Variants in NUBPL observed in about 807,000 individuals in gnomAD.
The protein encoded by NUBPL is NUBP iron-sulfur cluster assembly factor, mitochondrial.
Under a neutral mutation model 45.7 loss-of-function variants are expected in NUBPL, and 31 were observed. That is an observed-to-expected ratio of 0.68 (90% confidence interval 0.51 to 0.92). The LOEUF (loss-of-function observed/expected upper bound fraction) is 0.92, where lower values mean the gene tolerates loss of function less well. Ranked by LOEUF, NUBPL falls within the 40% of genes least tolerant of loss-of-function variation. The pLI is 0.00. For synonymous variants in NUBPL, 144 were observed against 140.9 expected (o/e 1.02, Z -0.15); for missense variants, 401 against 398.7 (o/e 1.01, Z -0.05).
intron 4 of NUBPL, among the ~76,000 whole-genome samples, chr14:31,626,988 G>C (rs1304521470): frequency 6.6e-6 from 1 of 152,052 alleles, no homozygotes; most frequent in African/African-American, 2.4e-5. Context: ...AGATTTCCAG[G>C]CTTACCGTAG....
intron 3 of NUBPL, among the ~76,000 whole-genome samples, chr14:31,590,912 G>A (rs2034125097): frequency 6.6e-6 from 1 of 152,058 alleles, no homozygotes; most frequent in Non-Finnish European, 1.5e-5. Context: ...AAGATTTAAA[G>A]TTTTTCTTCT....
intron 6 of NUBPL, among the ~76,000 whole-genome samples, chr14:31,752,281 G>C (rs1176118930): frequency 6.6e-6 from 1 of 152,154 alleles, no homozygotes; most frequent in Non-Finnish European, 1.5e-5. Flanking sequence ...CTGCTTCCCT[G>C]TTAAACATAA....
intron 4 of NUBPL, among the ~76,000 whole-genome samples, chr14:31,666,787 T>A (rs932553355): frequency 2.6e-5 from 4 of 152,012 alleles, no homozygotes; most frequent in African/African-American, 9.7e-5. Context: ...TCTCTAAAGG[T>A]TTTTATTTCT....
chr14:31,650,799 G>A (rs919550851), intron 4 of NUBPL, among the ~76,000 whole-genome samples: 1 of 152,192 alleles, frequency 6.6e-6, no homozygotes, highest in Non-Finnish European at 1.5e-5. Flanking sequence ...GATTTTTCTG[G>A]CTGGAAGATT....
chr14:31,660,904 G>T (rs2036252878), intron 4 of NUBPL, among the ~76,000 whole-genome samples: 1 of 152,148 alleles, frequency 6.6e-6, no homozygotes, highest in African/African-American at 2.4e-5. Flanking sequence ...TCTGATTCTA[G>T]ATCAGAGTTA....
chr14:31,643,616 T>C (rs1213770029), intron 4 of NUBPL, among the ~76,000 whole-genome samples: 3 of 152,166 alleles, frequency 2.0e-5, no homozygotes, highest in Non-Finnish European at 4.4e-5. Flanking sequence ...GTTTTCTTTT[T>C]GTTGTGTTCT....
intron 6 of NUBPL, among the ~76,000 whole-genome samples, chr14:31,765,509 A>T (rs1222935409): frequency 1.3e-5 from 2 of 152,172 alleles, no homozygotes; most frequent in Admixed American, 6.5e-5. Flanking sequence ...CTGGTGTTCT[A>T]GGTGCTGAGG....
chr14:31,579,143 T>C (rs1353040769), intron 3 of NUBPL, among the ~76,000 whole-genome samples: 1 of 152,166 alleles, frequency 6.6e-6, no homozygotes, highest in Non-Finnish European at 1.5e-5. Flanking sequence ...CTCAAATTTG[T>C]GCTGGAATGT....
intron 3 of NUBPL, among the ~76,000 whole-genome samples, chr14:31,596,144 G>A (rs570776153): frequency 3.3e-5 from 5 of 152,144 alleles, no homozygotes; most frequent in African/African-American, 1.2e-4. Flanking sequence ...CTGACCTTGT[G>A]ATCCGCCCAC....
At chr14:31,600,991 C>T (rs1163569937) in intron 4 of NUBPL, among the ~76,000 whole-genome samples, 1 of 152,042 alleles carries the variant, frequency 6.6e-6, no homozygotes, top group Non-Finnish European at 1.5e-5. Context: ...GTTTTCCCAG[C>T]ACCATTTATT....
At chr14:31,687,399 T>C (rs1432573999) in intron 6 of NUBPL, among the ~76,000 whole-genome samples, 2 of 152,214 alleles carry the variant, frequency 1.3e-5, no homozygotes, top group Non-Finnish European at 2.9e-5. Flanking sequence ...CACAAATCTA[T>C]TATAAAAGTT....
At position 31,650,450 on chromosome 14, in the gene NUBPL, C is replaced by T. The variant is rs193190580; in HGVS notation, c.383-22905C>T. The stretch of plus-strand genomic sequence containing the variant: ...GACTACAGGCGCCCGCCACCACACC[C>T]GGCTAATTTTTTGTATTTTTAGTAG... On this transcript the variant is annotated intron_variant, in intron 4 of 10. Transcript: ENST00000281081. Among the ~76,000 whole-genome samples the T allele has an allele frequency of 2.0e-3, 300 of 152,094 alleles. 1 individual carries two copies. The highest frequency in any genetic ancestry group is 0.014 in the Middle Eastern group (4 of 294).
chr14:31,812,528 G>A (rs1238918448), intron 7 of NUBPL, among the ~76,000 whole-genome samples: 4 of 152,296 alleles, frequency 2.6e-5, no homozygotes, highest in South Asian at 4.1e-4. Flanking sequence ...TGATTTTCCC[G>A]GTACAGTCTG....
intron 6 of NUBPL, 96 bp from the exon 7 acceptor site, chr14:31,787,684 A>G: frequency 3.6e-6 from 3 of 840,150 alleles, no homozygotes; most frequent in South Asian, 2.8e-5. Flanking sequence ...AGCGATAGCT[A>G]TGATTTTATA....
intron 7 of NUBPL, among the ~76,000 whole-genome samples, chr14:31,807,535 T>G (rs1439987795): frequency 6.6e-6 from 1 of 152,190 alleles, no homozygotes; most frequent in Non-Finnish European, 1.5e-5. Flanking sequence ...CTTTGTCAGA[T>G]GAGTAGATTG....
Position 31,850,175 on chromosome 14 carries a change from G to A in NUBPL, c.871G>A (p.Val291Met). 6.2e-7 allele frequency: 1 copy of A among 1,613,842 alleles called. No homozygotes were observed. The highest frequency in any genetic ancestry group is 1.7e-4 in the Middle Eastern group (1 of 6,060). Residue 291 changes from valine (V) to methionine (M), a missense_variant, in exon 10 of 11, where the codon GTG (valine) becomes ATG (methionine). Val to Met is a conservative substitution (Grantham distance 21). Transcript: ENST00000281081. ...REASDTGQPI[V>M]FSQPESDEAK... Reference sequence around the variant, plus strand: ...AGCTTCAGATACAGGCCAGCCAATTGTGTTTTCACAGCCTGAAAGTGATGA... The same window carrying A: ...AGCTTCAGATACAGGCCAGCCAATTATGTTTTCACAGCCTGAAAGTGATGA...
At chr14:31,716,031 C>T (rs1454824466) in intron 6 of NUBPL, among the ~76,000 whole-genome samples, 1 of 148,724 alleles carries the variant, frequency 6.7e-6, no homozygotes, top group African/African-American at 2.5e-5. Context: ...TTTTTTTGGT[C>T]AAAAACTTAG....
rs189032398 is a variant in NUBPL at position 31,712,776 on chromosome 14, A to G, written c.513+39202A>G. On this transcript the variant is annotated intron_variant, in intron 6 of 10. Coordinates refer to ENST00000281081, the MANE Select transcript of NUBPL (RefSeq NM_025152.3). The stretch of plus-strand genomic sequence containing the variant: ...AGTCACTGAGAGAATGAGTATTGCC[A>G]GGGAAGAAGGCTTTAATCACGTGCA... Among the ~76,000 whole-genome samples, 22 of 152,384 alleles carry G rather than the reference A, an allele frequency of 1.4e-4. No homozygotes were observed. In the East Asian group the frequency reaches 3.5e-3, roughly 24 times the overall value.
At chr14:31,658,093 A>T (rs1285584326) in intron 4 of NUBPL, among the ~76,000 whole-genome samples, 2 of 152,198 alleles carry the variant, frequency 1.3e-5, no homozygotes, top group Admixed American at 6.5e-5. Context: ...ATATATCAGA[A>T]CACTGTTAAA....
Sources: gnomAD v4.1 joint callset for allele counts (sites outside exome capture counted in the v4.1 genomes callset) on GRCh38, gnomAD v4.1.1 for gene constraint, MANE v1.5 for transcripts, NCBI Gene and HGNC (gene_info 2026-07-23, HGNC 2026-07-21) for gene names.